Variants in VRK1 observed in about 807,000 individuals in gnomAD.
VRK1 encodes VRK serine/threonine kinase 1, also known as serine/threonine-protein kinase VRK1.
A neutral mutation model predicts 57.1 loss-of-function variants in VRK1; 33 were observed. That is an observed-to-expected ratio of 0.58 (90% CI 0.44 to 0.77). The LOEUF (loss-of-function observed/expected upper bound fraction) is 0.77. Among genes scored for constraint, VRK1 ranks in the 30% least tolerant of loss-of-function variants. The pLI is 0.00. For missense variants in VRK1, 413 were observed against 477.3 expected, an observed-to-expected ratio of 0.87 and a Z score of 1.25; for synonymous variants, 137 against 147.8, an observed-to-expected ratio of 0.93 and a Z score of 0.53.
rs947111162 is a variant in VRK1, at chr14:96,859,206, G to T, written c.890-1351G>T. ...TTTGCTGGTATATAGAAATAAGATA[G>T]ATTTTTATATATTTACCTTGCATTT... On this transcript the variant is annotated intron_variant, in intron 10 of 12. Coordinates refer to ENST00000216639, the MANE Select transcript of VRK1 (RefSeq NM_003384.3). 4.6e-5 allele frequency among the ~76,000 whole-genome samples: 7 copies of T among 152,232 alleles called. No homozygotes were observed. The East Asian group carries it at 1.3e-3, about 29-fold the overall frequency.
chr14:96,866,405 T>C (rs910345161), intron 11 of VRK1, among the ~76,000 whole-genome samples: 3 of 152,202 alleles, frequency 2.0e-5, no homozygotes, highest in African/African-American at 7.2e-5. Flanking sequence ...GGGATGTTCT[T>C]AGTGAATCCA....
intron 1 of VRK1, among the ~76,000 whole-genome samples, chr14:96,802,631 T>G (rs996341834): frequency 2.0e-5 from 3 of 152,242 alleles, no homozygotes; most frequent in African/African-American, 7.2e-5. Context: ...GTGTCTTGTT[T>G]ATGGTGATGG....
intron 1 of VRK1, among the ~76,000 whole-genome samples, chr14:96,832,053 T>A (rs1039211610): frequency 4.6e-5 from 7 of 152,202 alleles, no homozygotes; most frequent in Non-Finnish European, 8.8e-5. Flanking sequence ...TTTGAAGATG[T>A]TTTTGTTAAC....
intron 11 of VRK1, among the ~76,000 whole-genome samples, chr14:96,863,663 A>G (rs1203430287): frequency 6.6e-6 from 1 of 152,164 alleles, no homozygotes; most frequent in Non-Finnish European, 1.5e-5. Context: ...GTTGCTCCCT[A>G]TGAATGATTA....
intron 5 of VRK1, among the ~76,000 whole-genome samples, chr14:96,849,698 C>G (rs1323787305): frequency 6.6e-6 from 1 of 152,126 alleles, no homozygotes; most frequent in Non-Finnish European, 1.5e-5. Flanking sequence ...TTGCAGTCAT[C>G]ATCACTGTGA....
At chr14:96,863,317 A>C (rs903092897) in intron 11 of VRK1, among the ~76,000 whole-genome samples, 4 of 152,202 alleles carry the variant, frequency 2.6e-5, no homozygotes, top group African/African-American at 9.7e-5. Context: ...GTATACTCAT[A>C]AATTAACATT....
intron 11 of VRK1, among the ~76,000 whole-genome samples, chr14:96,863,934 G>C (rs548219523): frequency 6.6e-6 from 1 of 152,118 alleles, no homozygotes; most frequent in Admixed American, 6.5e-5. Context: ...ATTGCACCTC[G>C]TACAGCCTTT....
At chr14:96,865,874 T>C (rs915572214) in intron 11 of VRK1, among the ~76,000 whole-genome samples, 2 of 152,072 alleles carry the variant, frequency 1.3e-5, no homozygotes, top group Admixed American at 6.6e-5. Context: ...AGTTCTGTAA[T>C]GATTGTTTTG....
intron 12 of VRK1, among the ~76,000 whole-genome samples, chr14:96,880,929 T>A (rs1184199786): frequency 6.6e-6 from 1 of 152,204 alleles, no homozygotes; most frequent in African/African-American, 2.4e-5. Context: ...GTCAGTATTT[T>A]TATATGGCTT....
intron 1 of VRK1, among the ~76,000 whole-genome samples, chr14:96,808,546 A>C (rs1226361323): frequency 6.6e-6 from 1 of 152,104 alleles, no homozygotes; most frequent in Non-Finnish European, 1.5e-5. Context: ...TTATGTGGGG[A>C]TATCTTGCAG....
chr14:96,821,105 A>C (rs1479066816), intron 1 of VRK1, among the ~76,000 whole-genome samples: 1 of 152,220 alleles, frequency 6.6e-6, no homozygotes, highest in Non-Finnish European at 1.5e-5. Context: ...AAGTTGATAC[A>C]TAATATTATA....
intron 10 of VRK1, among the ~76,000 whole-genome samples, chr14:96,857,437 T>C (rs1028611041): frequency 3.3e-5 from 5 of 152,100 alleles, no homozygotes; most frequent in African/African-American, 1.2e-4. Context: ...GGGACACTAG[T>C]GCCCAGGAGA....
intron 3 of VRK1, among the ~76,000 whole-genome samples, chr14:96,845,567 C>T (rs917786698): frequency 6.6e-6 from 1 of 152,104 alleles, no homozygotes; most frequent in Non-Finnish European, 1.5e-5. Context: ...GGTTAGTGGA[C>T]AGTGCATGCT....
At chr14:96,876,815 G>C (rs1889054381) in intron 12 of VRK1, among the ~76,000 whole-genome samples, 1 of 151,344 alleles carries the variant, frequency 6.6e-6, no homozygotes. Context: ...AAAAAACAAG[G>C]TATGAAGTCA....
chr14:96,877,168 G>T (rs1311361023), intron 12 of VRK1, among the ~76,000 whole-genome samples: 1 of 151,668 alleles, frequency 6.6e-6, no homozygotes, highest in Non-Finnish European at 1.5e-5. Flanking sequence ...TACAGCATAG[G>T]TGCCATATTG....
chr14:96,801,857 A>G (rs981109187), intron 1 of VRK1, among the ~76,000 whole-genome samples: 1 of 152,188 alleles, frequency 6.6e-6, no homozygotes, highest in Non-Finnish European at 1.5e-5. Flanking sequence ...GGTGTTGAGT[A>G]GGCTCAGGAG....
At chr14:96,799,177 G>A (rs1335901664) in intron 1 of VRK1, among the ~76,000 whole-genome samples, 3 of 152,226 alleles carry the variant, frequency 2.0e-5, no homozygotes, top group Non-Finnish European at 1.5e-5. Flanking sequence ...CTGGCATATA[G>A]TAAGTTAGTA....
At chr14:96,809,335 C>G (rs1283688615) in intron 1 of VRK1, among the ~76,000 whole-genome samples, 2 of 152,098 alleles carry the variant, frequency 1.3e-5, no homozygotes, top group Non-Finnish European at 2.9e-5. Context: ...AATTTGTGGT[C>G]ATTTTTAAAA....
chr14:96,863,584 G>A (rs921002642), intron 11 of VRK1, among the ~76,000 whole-genome samples: 1 of 152,148 alleles, frequency 6.6e-6, no homozygotes, highest in Non-Finnish European at 1.5e-5. Flanking sequence ...CTGGAAAGTC[G>A]TTGAGTAAGG....
Sources: gnomAD v4.1 joint callset for allele counts (sites outside exome capture counted in the v4.1 genomes callset) on GRCh38, gnomAD v4.1.1 for gene constraint, MANE v1.5 for transcripts, NCBI Gene and HGNC (gene_info 2026-07-23, HGNC 2026-07-21) for gene names.